PPP1R12A: variants seen among roughly 807,000 people sequenced by gnomAD.
PPP1R12A encodes protein phosphatase 1 regulatory subunit 12A.
PPP1R12A carries 19 observed loss-of-function variants against 139.6 expected under a neutral mutation model. The observed-to-expected ratio is 0.14, with a 90% CI of 0.09 to 0.20. The LOEUF is 0.20. Among genes scored for constraint, PPP1R12A ranks in the 10% least tolerant of loss-of-function variants. PPP1R12A has a pLI of 1.00. For missense variants in PPP1R12A, 925 were observed against 1,211.5 expected (o/e 0.76, Z 3.51); for synonymous variants, 427 against 420.6 (o/e 1.02, Z -0.19).
At chr12:79,922,629 T>C (rs150910795) in intron 1 of PPP1R12A, among the ~76,000 whole-genome samples, 1,541 of 152,142 alleles carry the variant, frequency 0.01, 24 homozygotes, top group Non-Finnish European at 0.012. Flanking sequence ...TAAGTGGAAG[T>C]TGAACAATGA....
chr12:79,846,770 C>G (rs1327564049), intron 2 of PPP1R12A, among the ~76,000 whole-genome samples: 1 of 151,984 alleles, frequency 6.6e-6, no homozygotes, highest in Non-Finnish European at 1.5e-5. Flanking sequence ...TTCGATGGCT[C>G]TACCATGCTA....
rs1869477758 is a variant in PPP1R12A, at chr12:79,773,748, GAAAA to G, written c.*2177_*2180del. The G allele has an allele frequency of 6.6e-6, 1 of 152,052 alleles. No individual in the cohort carries two copies. The highest frequency in any genetic ancestry group is 1.5e-5 in the Non-Finnish European group (1 of 67,994). The allele number at this position is 152,052 out of a possible 1,614,324, so 9.4% of individuals were successfully genotyped here. On this transcript the variant is annotated 3_prime_UTR_variant, in exon 25 of 25. Coordinates refer to ENST00000450142, the MANE Select transcript of PPP1R12A (RefSeq NM_002480.3). ...TTGGTATCCAAGTAAAGCAATTAGTGAAAAAATACCCATGCAGAATTTAAATATC... is the reference window on the plus strand; with the variant it reads ...TTGGTATCCAAGTAAAGCAATTAGTGAATACCCATGCAGAATTTAAATATC...
chr12:79,925,147 C>A (rs1459188424), intron 1 of PPP1R12A, among the ~76,000 whole-genome samples: 3 of 152,058 alleles, frequency 2.0e-5, no homozygotes, highest in Admixed American at 2.0e-4. Context: ...GTGTTCCATG[C>A]AAGAATATAA....
At chr12:79,870,498 C>G (rs1035395485) in intron 2 of PPP1R12A, among the ~76,000 whole-genome samples, 1 of 152,174 alleles carries the variant, frequency 6.6e-6, no homozygotes, top group Admixed American at 6.5e-5. Flanking sequence ...TAGAGTTAAA[C>G]TGCCTTTTAT....
chr12:79,851,106 A>C (rs1347084354), intron 2 of PPP1R12A, among the ~76,000 whole-genome samples: 1 of 152,244 alleles, frequency 6.6e-6, no homozygotes, highest in East Asian at 1.9e-4. Context: ...AAAGTCAGCA[A>C]AATAGCATTG....
intron 1 of PPP1R12A, among the ~76,000 whole-genome samples, chr12:79,894,603 G>C (rs1320903350): frequency 6.6e-6 from 1 of 151,924 alleles, no homozygotes; most frequent in Non-Finnish European, 1.5e-5. Context: ...AAAATATTAT[G>C]ATCAAATTCA....
intron 20 of PPP1R12A, among the ~76,000 whole-genome samples, 182 bp downstream of exon 20, chr12:79,790,285 T>C (rs558063302): frequency 6.6e-6 from 1 of 152,168 alleles, no homozygotes; most frequent in Admixed American, 6.5e-5. Flanking sequence ...TTGCTCTGAC[T>C]AGTGATCTTG....
intron 1 of PPP1R12A, among the ~76,000 whole-genome samples, chr12:79,873,770 C>G (rs1882818289): frequency 6.6e-6 from 1 of 152,118 alleles, no homozygotes; most frequent in Non-Finnish European, 1.5e-5. Context: ...TTTATATTCT[C>G]TGGAACAAGA....
At chr12:79,926,471 G>A (rs35552258) in intron 1 of PPP1R12A, among the ~76,000 whole-genome samples, 15,104 of 152,192 alleles carry the variant, frequency 0.099, 2,005 homozygotes, top group African/African-American at 0.31. Flanking sequence ...GACTACAGGC[G>A]TGAGCCACCA....
At chr12:79,788,464 G>T (rs1474723927) in intron 21 of PPP1R12A, 184 bp downstream of exon 21, 3 of 540,796 alleles carry the variant, frequency 5.5e-6, no homozygotes, top group East Asian at 3.1e-5. Context: ...CATCTTGGAT[G>T]ACTTTCTCTT....
chr12:79,905,050 G>C (rs1474408740), intron 1 of PPP1R12A, among the ~76,000 whole-genome samples: 1 of 152,102 alleles, frequency 6.6e-6, no homozygotes, highest in Non-Finnish European at 1.5e-5. Context: ...TGCATGGCTT[G>C]GTTAATCTTT....
chr12:79,843,257 T>C (rs771490965), intron 3 of PPP1R12A, among the ~76,000 whole-genome samples: 2 of 152,168 alleles, frequency 1.3e-5, no homozygotes, highest in Non-Finnish European at 2.9e-5. Context: ...AATTATTCAA[T>C]TTCAAAGAGT....
At chr12:79,866,760 C>A (rs1339218013) in intron 2 of PPP1R12A, among the ~76,000 whole-genome samples, 1 of 152,108 alleles carries the variant, frequency 6.6e-6, no homozygotes, top group Non-Finnish European at 1.5e-5. Flanking sequence ...AAATCAAAAC[C>A]ACAATGAGAT....
intron 19 of PPP1R12A, 198 bp downstream of exon 19, chr12:79,793,665 T>C (rs1023620916): frequency 2.1e-5 from 10 of 479,022 alleles, no homozygotes; most frequent in Non-Finnish European, 3.6e-5. Flanking sequence ...AACATTTTCA[T>C]CACCTCCAAA....
At chr12:79,869,364 A>G (rs1190636664) in intron 2 of PPP1R12A, among the ~76,000 whole-genome samples, 1 of 152,240 alleles carries the variant, frequency 6.6e-6, no homozygotes, top group Non-Finnish European at 1.5e-5. Context: ...TCAAATCCTC[A>G]GAGTAAACTA....
chr12:79,805,500 G>A (rs1241483236), intron 14 of PPP1R12A, 92 bp downstream of exon 14: 4 of 1,182,398 alleles, frequency 3.4e-6, no homozygotes, highest in African/African-American at 3.0e-5. Flanking sequence ...TGGAGAGATG[G>A]CCATCAACCT....
intron 14 of PPP1R12A, among the ~76,000 whole-genome samples, chr12:79,800,733 C>CTTT (rs34522404): frequency 7.3e-6 from 1 of 137,104 alleles, no homozygotes; most frequent in African/African-American, 2.6e-5. Context: ...TCAAATGCTA[C>CTTT]TTTTTTTTTT....
chr12:79,798,266 C>T (rs1872708217), intron 15 of PPP1R12A, among the ~76,000 whole-genome samples: 1 of 152,104 alleles, frequency 6.6e-6, no homozygotes, highest in Admixed American at 6.5e-5. Flanking sequence ...TGTAACCATA[C>T]AAAAGGCTAT....
At position 79,775,709 on chromosome 12, in the gene PPP1R12A, G is replaced by A; in HGVS notation, c.*220C>T. The A allele has an allele frequency of 1.7e-5, 5 of 291,976 alleles. No homozygotes were observed. The highest frequency in any genetic ancestry group is 6.2e-5 in the South Asian group (1 of 16,226). The allele number at this position is 291,976 out of a possible 1,614,324, so 18.1% of individuals were successfully genotyped here. On this transcript the variant is annotated 3_prime_UTR_variant, in exon 25 of 25. Transcript: ENST00000450142. ...GCAGCTGCATTAACATGAAACAATG[G>A]TCTTGATTAAAAAAAAAAAACAAAA...
Sources: allele counts gnomAD v4.1 joint callset (sites outside exome capture counted in the v4.1 genomes callset), GRCh38; gene constraint gnomAD v4.1.1; transcripts MANE v1.5; gene names NCBI Gene and HGNC (gene_info 2026-07-23, HGNC 2026-07-21).